Variants in SDK1 observed in about 807,000 individuals in gnomAD.
SDK1 encodes sidekick cell adhesion molecule 1, also known as protein sidekick-1.
In SDK1, 157 loss-of-function variants were observed where a neutral mutation model predicts 245.5. The observed-to-expected ratio is 0.64, with a 90% CI of 0.56 to 0.73. The LOEUF (loss-of-function observed/expected upper bound fraction) is 0.73, where lower values mean the gene tolerates loss of function less well. SDK1 is among the 30% of genes least tolerant of loss of function. The pLI is 0.00. For missense variants in SDK1, 3,583 were observed against 3,002.3 expected (o/e 1.19, Z -4.52); for synonymous variants, 1,647 against 1,278.5 (o/e 1.29, Z -6.15).
chr7:3,937,308 T>G (rs1780194550), intron 5 of SDK1, among the ~76,000 whole-genome samples: 1 of 152,310 alleles, frequency 6.6e-6, no homozygotes, highest in East Asian at 1.9e-4. Context: ...TGAAAATGCC[T>G]GTGCTCATGG....
rs576596260 is a variant in SDK1, at chr7:4,031,412, C to T, written c.2602+14060C>T. ...TTTACTAGCCAATGGTAATGTTACT[C>T]ATAACAGAGAATCAATAGATTGTAT... On this transcript the variant is annotated intron_variant, in intron 17 of 44. Coordinates refer to ENST00000404826, the MANE Select transcript of SDK1 (RefSeq NM_152744.4). 5.3e-5 allele frequency among the ~76,000 whole-genome samples: 8 copies of T among 152,220 alleles called. No homozygotes were observed. The South Asian group carries it at 1.5e-3, about 28-fold the overall frequency.
At chr7:3,808,530 C>T (rs1379370391) in intron 4 of SDK1, among the ~76,000 whole-genome samples, 1 of 152,212 alleles carries the variant, frequency 6.6e-6, no homozygotes, top group East Asian at 1.9e-4. Context: ...CAATCCCAGC[C>T]CGACCTGCAC....
chr7:3,969,774 A>G (rs1470744061), intron 11 of SDK1, among the ~76,000 whole-genome samples: 1 of 152,222 alleles, frequency 6.6e-6, no homozygotes, highest in African/African-American at 2.4e-5. Context: ...AAAATCCTAA[A>G]GAAGTAATAT....
chr7:4,138,177 C>G (rs572630502), intron 28 of SDK1, among the ~76,000 whole-genome samples: 3 of 152,156 alleles, frequency 2.0e-5, no homozygotes, highest in South Asian at 2.1e-4. Flanking sequence ...GCAGGGATGC[C>G]GTCGTGCTTT....
chr7:3,723,790 T>A (rs6979864), intron 4 of SDK1, among the ~76,000 whole-genome samples: 2,456 of 115,250 alleles, frequency 0.021, 6 homozygotes, highest in African/African-American at 0.052. Context: ...ATACACGTAC[T>A]TATACATATA....
intron 4 of SDK1, among the ~76,000 whole-genome samples, chr7:3,646,688 C>T (rs954536599): frequency 1.1e-4 from 16 of 152,072 alleles, no homozygotes; most frequent in African/African-American, 3.6e-4. Flanking sequence ...CCATACATTG[C>T]TCTAGTCTTT....
chr7:3,779,670 C>T (rs928449943), intron 4 of SDK1, among the ~76,000 whole-genome samples: 6 of 152,190 alleles, frequency 3.9e-5, no homozygotes, highest in Admixed American at 1.3e-4. Flanking sequence ...CGGTGGCTCA[C>T]GCCTGTAATC....
At chr7:4,103,002 C>T (rs1466215958) in intron 22 of SDK1, among the ~76,000 whole-genome samples, 1 of 144,442 alleles carries the variant, frequency 6.9e-6, no homozygotes, top group African/African-American at 2.5e-5. Flanking sequence ...GGCTTCCCCA[C>T]AGAGCTTTTT....
chr7:3,508,120 CTTG>C (rs1583972175), intron 1 of SDK1, among the ~76,000 whole-genome samples: 2 of 152,182 alleles, frequency 1.3e-5, no homozygotes, highest in African/African-American at 4.8e-5. Context: ...GTCCATTGTC[CTTG>C]TTGTTCTACA....
chr7:3,700,635 A>G (rs562668806), intron 4 of SDK1, among the ~76,000 whole-genome samples: 46 of 152,310 alleles, frequency 3.0e-4, no homozygotes, highest in African/African-American at 1.0e-3. Context: ...GAAATCAGGG[A>G]AACAAGAAAA....
chr7:3,664,899 T>A (rs1431233639), intron 4 of SDK1, among the ~76,000 whole-genome samples: 1 of 152,174 alleles, frequency 6.6e-6, no homozygotes, highest in Non-Finnish European at 1.5e-5. Flanking sequence ...TCATATCTTA[T>A]TTGAAAAATG....
At chr7:3,571,460 G>T (rs1562570921) in intron 1 of SDK1, among the ~76,000 whole-genome samples, 1 of 151,818 alleles carries the variant, frequency 6.6e-6, no homozygotes. Flanking sequence ...GTACCACCAT[G>T]CCCAGCTAAT....
At chr7:3,674,712 G>A (rs1783834658) in intron 4 of SDK1, among the ~76,000 whole-genome samples, 1 of 152,182 alleles carries the variant, frequency 6.6e-6, no homozygotes, top group South Asian at 2.1e-4. Flanking sequence ...GAGCCCTGAT[G>A]TGTAGCTTTT....
intron 1 of SDK1, among the ~76,000 whole-genome samples, chr7:3,431,235 C>G (rs1287920945): frequency 6.6e-6 from 1 of 152,026 alleles, no homozygotes; most frequent in Non-Finnish European, 1.5e-5. Flanking sequence ...ACAATGATCA[C>G]CATACATGCT....
At chr7:3,657,691 T>G (rs1428774186) in intron 4 of SDK1, among the ~76,000 whole-genome samples, 2 of 152,166 alleles carry the variant, frequency 1.3e-5, no homozygotes, top group Non-Finnish European at 2.9e-5. Context: ...AGGGGGACAT[T>G]CCTGGAGGCA....
At chr7:3,835,672 A>G (rs371800146) in intron 5 of SDK1, among the ~76,000 whole-genome samples, 3 of 152,212 alleles carry the variant, frequency 2.0e-5, no homozygotes, top group East Asian at 1.9e-4. Context: ...AAATGCATTC[A>G]TTAATTCATT....
At chr7:3,927,750 C>G (rs750205292) in intron 5 of SDK1, among the ~76,000 whole-genome samples, 10 of 152,182 alleles carry the variant, frequency 6.6e-5, no homozygotes, top group Non-Finnish European at 1.5e-4. Context: ...AAAATAATGT[C>G]GTCAAATTTC....
At chr7:3,787,095 TA>T (rs1780923998) in intron 4 of SDK1, among the ~76,000 whole-genome samples, 2 of 151,830 alleles carry the variant, frequency 1.3e-5, no homozygotes, top group Non-Finnish European at 2.9e-5. Context: ...GACTTGACAA[TA>T]TATTCGTGTC....
At position 4,105,011 on chromosome 7, in the gene SDK1, C is replaced by T. The variant is rs77160076; in HGVS notation, c.3325-5652C>T. ...TTTATTTATTCTTTTGAGATGAAGT[C>T]GCACTCTGTCACCCTGGCTGGTGTG... is the stretch of plus-strand genomic sequence containing the variant. On this transcript the variant is annotated intron_variant, in intron 22 of 44. Transcript: ENST00000404826. 6.0e-3 allele frequency among the ~76,000 whole-genome samples: 917 copies of T among 152,188 alleles called. 12 individuals are homozygous for T. Among genetic ancestry groups the T allele is most frequent in the Admixed American group, 0.038 (582 of 15,278 alleles).
Sources: gnomAD v4.1 joint callset for allele counts (sites outside exome capture counted in the v4.1 genomes callset) on GRCh38, gnomAD v4.1.1 for gene constraint, MANE v1.5 for transcripts, NCBI Gene and HGNC (gene_info 2026-07-23, HGNC 2026-07-21) for gene names.